Variants in PAWR observed in about 807,000 individuals in gnomAD.
PAWR encodes the protein pro-apoptotic WT1 regulator.
Under a neutral mutation model 32.0 loss-of-function variants are expected in PAWR, and 23 were observed. The ratio of observed to expected loss-of-function variants is 0.72; its 90% CI spans 0.52 to 1.02. PAWR has a LOEUF of 1.02. Among genes scored for constraint, PAWR ranks in the 50% least tolerant of loss-of-function variants. The pLI is 0.00. For synonymous variants in PAWR, 226 were observed against 187.1 expected, an observed-to-expected ratio of 1.21 and a Z score of -1.70; for missense variants, 457 against 437.7, an observed-to-expected ratio of 1.04 and a Z score of -0.39.
chr12:79,672,862 CACT>C (rs999301542), intron 2 of PAWR, among the ~76,000 whole-genome samples: 1 of 152,064 alleles, frequency 6.6e-6, no homozygotes, highest in Non-Finnish European at 1.5e-5. Flanking sequence ...ACTTTCCCAC[CACT>C]ATCTGTCCTA....
intron 2 of PAWR, among the ~76,000 whole-genome samples, chr12:79,647,273 T>C (rs1876623108): frequency 6.6e-6 from 1 of 152,116 alleles, no homozygotes; most frequent in Non-Finnish European, 1.5e-5. Context: ...AATTTGGTGG[T>C]AAAGTTAAAC....
chr12:79,656,442 G>T (rs955175669), intron 2 of PAWR, among the ~76,000 whole-genome samples: 13 of 152,140 alleles, frequency 8.5e-5, no homozygotes, highest in Non-Finnish European at 1.5e-4. Context: ...GCGTAACATG[G>T]GGGTGAGGCG....
intron 2 of PAWR, among the ~76,000 whole-genome samples, chr12:79,659,460 C>T (rs1180475526): frequency 1.3e-5 from 2 of 152,060 alleles, no homozygotes; most frequent in Non-Finnish European, 2.9e-5. Context: ...AAAAACACTG[C>T]CTCTGGCCTC....
chr12:79,690,512 C>A, intron 1 of PAWR, 121 bp from the exon 2 acceptor site: 1 of 450,562 alleles, frequency 2.2e-6, no homozygotes. Context: ...CACTACCGGC[C>A]AGCAGCCGCC....
chr12:79,659,396 T>C (rs988602992), intron 2 of PAWR, among the ~76,000 whole-genome samples: 2 of 152,152 alleles, frequency 1.3e-5, no homozygotes, highest in Non-Finnish European at 2.9e-5. Flanking sequence ...AACATAGAAG[T>C]CCAAATCTAA....
At chr12:79,645,241 T>C (rs1876519107) in intron 2 of PAWR, among the ~76,000 whole-genome samples, 1 of 152,226 alleles carries the variant, frequency 6.6e-6, no homozygotes, top group African/African-American at 2.4e-5. Flanking sequence ...AAATGGCTAC[T>C]AAGTTATTAG....
At chr12:79,629,597 A>AC (rs1273817069) in intron 2 of PAWR, among the ~76,000 whole-genome samples, 8 of 145,186 alleles carry the variant, frequency 5.5e-5, no homozygotes, top group African/African-American at 7.7e-5. Context: ...GTAGAGATAT[A>AC]AAAAAAAAAA....
chr12:79,638,279 T>C (rs1238616186), intron 2 of PAWR, among the ~76,000 whole-genome samples: 2 of 152,202 alleles, frequency 1.3e-5, no homozygotes, highest in African/African-American at 4.8e-5. Context: ...ACTTTTGTCA[T>C]ATTTTTATTG....
At chr12:79,626,230 A>G (rs1198101205) in intron 2 of PAWR, among the ~76,000 whole-genome samples, 1 of 150,796 alleles carries the variant, frequency 6.6e-6, no homozygotes, top group Non-Finnish European at 1.5e-5. Flanking sequence ...AGACTTATCA[A>G]CAGAAACTAT....
rs184505176 is a variant in PAWR at position 79,661,078 on chromosome 12, G to A, written c.516+28651C>T. Among the ~76,000 whole-genome samples, 480 of 151,502 alleles carry A rather than the reference G, an allele frequency of 3.2e-3. 1 individual carries two copies. Among genetic ancestry groups the A allele is most frequent in the Non-Finnish European group, 4.0e-3 (270 of 67,818 alleles). On this transcript the variant is annotated intron_variant, in intron 2 of 6. Coordinates refer to ENST00000328827, the MANE Select transcript of PAWR (RefSeq NM_002583.4). ...AGGTCAGGAGTTCGAGACCAGCCTGGCCAACAGGGTGAAACCCCATCTCTA... is the reference window on the plus strand; with the variant it reads ...AGGTCAGGAGTTCGAGACCAGCCTGACCAACAGGGTGAAACCCCATCTCTA...
At chr12:79,662,554 C>T (rs1877402269) in intron 2 of PAWR, among the ~76,000 whole-genome samples, 1 of 152,170 alleles carries the variant, frequency 6.6e-6, no homozygotes, top group Non-Finnish European at 1.5e-5. Context: ...CTAGACACTT[C>T]AATAATGGAC....
intron 2 of PAWR, among the ~76,000 whole-genome samples, chr12:79,641,586 C>T (rs921205236): frequency 3.3e-5 from 5 of 152,020 alleles, no homozygotes; most frequent in Admixed American, 6.6e-5. Flanking sequence ...CGGTGGCTCA[C>T]GCCTGTAATC....
chr12:79,660,045 C>A (rs536936597), intron 2 of PAWR, among the ~76,000 whole-genome samples: 1 of 152,138 alleles, frequency 6.6e-6, no homozygotes. Context: ...TGGTTAGTGC[C>A]AGGCCCATAT....
At chr12:79,664,758 C>T (rs1447006532) in intron 2 of PAWR, among the ~76,000 whole-genome samples, 3 of 151,424 alleles carry the variant, frequency 2.0e-5, no homozygotes, top group African/African-American at 4.9e-5. Flanking sequence ...CTCCCAAGTA[C>T]TCGGGACTAC....
At chr12:79,687,902 G>T (rs1299239245) in intron 2 of PAWR, among the ~76,000 whole-genome samples, 1 of 151,998 alleles carries the variant, frequency 6.6e-6, no homozygotes, top group African/African-American at 2.4e-5. Context: ...TGTTTTGTTG[G>T]GTCCTGCAGC....
At chr12:79,640,925 G>C (rs753183240) in intron 2 of PAWR, among the ~76,000 whole-genome samples, 2 of 152,154 alleles carry the variant, frequency 1.3e-5, no homozygotes, top group Non-Finnish European at 2.9e-5. Flanking sequence ...CTGTGTATCT[G>C]AGAGTTTGAA....
chr12:79,687,638 A>G (rs1173617652), intron 2 of PAWR, among the ~76,000 whole-genome samples: 1 of 152,170 alleles, frequency 6.6e-6, no homozygotes, highest in Non-Finnish European at 1.5e-5. Flanking sequence ...CAGGGGTGCT[A>G]AATTAAATAT....
In PAWR at chr12:79,689,903, G is replaced by T; in HGVS notation, c.342C>A (p.Ala114=). Residue 114 remains alanine (A), a synonymous_variant, in exon 2 of 7, where the codon GCC becomes GCA. Coordinates refer to ENST00000328827, the MANE Select transcript of PAWR (RefSeq NM_002583.4). ...GPRRSEDEPP[A]ASASAAPPPQ... is the part of the protein sequence containing the mutation. ...GCGGCGGTGCAGCCGAGGCAGAGGC[G>T]GCTGGGGGCTCGTCCTCCGACCGCC... 3.4e-6 allele frequency: 5 copies of T among 1,484,836 alleles called. No homozygotes were observed. The highest frequency in any genetic ancestry group is 1.3e-5 in the South Asian group (1 of 75,868). 92.0% of individuals were successfully genotyped at this position (1,484,836 alleles called of 1,614,324 possible).
At chr12:79,678,642 TTC>T (rs1413378987) in intron 2 of PAWR, among the ~76,000 whole-genome samples, 1 of 152,264 alleles carries the variant, frequency 6.6e-6, no homozygotes, top group Non-Finnish European at 1.5e-5. Flanking sequence ...ATGGAAAGCC[TTC>T]TGTGCAGTTC....
Sources: gnomAD v4.1 joint callset for allele counts (sites outside exome capture counted in the v4.1 genomes callset) on GRCh38, gnomAD v4.1.1 for gene constraint, MANE v1.5 for transcripts, NCBI Gene and HGNC (gene_info 2026-07-23, HGNC 2026-07-21) for gene names.